Variants in RAB3C observed in about 807,000 individuals in gnomAD.
RAB3C encodes the protein RAB3C, member RAS oncogene family.
RAB3C carries 17 observed loss-of-function variants against 26.4 expected under a neutral mutation model. The observed-to-expected ratio is 0.64, with a 90% CI of 0.44 to 0.97. The LOEUF (loss-of-function observed/expected upper bound fraction) is 0.97, where lower values mean the gene tolerates loss of function less well. RAB3C is among the 50% of genes least tolerant of loss of function. The probability of loss-of-function intolerance (pLI) is 0.00; values close to 1 mark genes in which losing one functional copy is unlikely to be tolerated. For synonymous variants in RAB3C, 91 were observed against 95.9 expected (o/e 0.95, Z 0.30); for missense variants, 242 against 281.9 (o/e 0.86, Z 1.01).
chr5:58,840,160 A>G (rs1391250495), intron 4 of RAB3C, among the ~76,000 whole-genome samples: 1 of 151,298 alleles, frequency 6.6e-6, no homozygotes, highest in African/African-American at 2.4e-5. Flanking sequence ...GGCTTTATTT[A>G]TTTATCTTTT....
chr5:58,798,078 T>C (rs537102360), intron 3 of RAB3C, among the ~76,000 whole-genome samples: 1 of 124,354 alleles, frequency 8.0e-6, no homozygotes, highest in East Asian at 2.1e-4. Context: ...GAGTAATCAT[T>C]CAGAACATAC....
intron 3 of RAB3C, among the ~76,000 whole-genome samples, chr5:58,747,651 G>T (rs1040237117): frequency 2.6e-5 from 4 of 151,722 alleles, no homozygotes; most frequent in Non-Finnish European, 5.9e-5. Context: ...TGCACAATAT[G>T]GATTCATTGC....
At chr5:58,755,359 T>C (rs1741632218) in intron 3 of RAB3C, among the ~76,000 whole-genome samples, 1 of 152,258 alleles carries the variant, frequency 6.6e-6, no homozygotes. Context: ...TTATTTGACA[T>C]AGATTGCTGT....
intron 2 of RAB3C, among the ~76,000 whole-genome samples, chr5:58,712,394 CAT>C (rs1376534392): frequency 6.6e-6 from 1 of 152,144 alleles, no homozygotes; most frequent in East Asian, 1.9e-4. Context: ...GATTAAATAA[CAT>C]AATTTTTGCT....
chr5:58,851,149 G>A lies in RAB3C; in HGVS notation c.497-15G>A, dbSNP rs1396617760. ...TGCAAAATAACCAAGATGTGTTTCTGTGTGTTTCTTCCAGGGTTTGAGTTT... is the reference window on the plus strand; with the variant it reads ...TGCAAAATAACCAAGATGTGTTTCTATGTGTTTCTTCCAGGGTTTGAGTTT... On this transcript the variant is annotated splice_polypyrimidine_tract_variant and intron_variant, in intron 4 of 4. Coordinates refer to ENST00000282878, the MANE Select transcript of RAB3C (RefSeq NM_138453.4). 3.2e-6 allele frequency: 5 copies of A among 1,583,756 alleles called. No homozygotes were observed. In the African/African-American group the frequency reaches 4.1e-5, roughly 13 times the overall value.
intron 3 of RAB3C, among the ~76,000 whole-genome samples, chr5:58,782,418 G>A (rs971244928): frequency 1.3e-4 from 19 of 151,982 alleles, no homozygotes; most frequent in African/African-American, 4.4e-4. Context: ...ATTTCTCACC[G>A]CATGCTTTAA....
intron 2 of RAB3C, among the ~76,000 whole-genome samples, chr5:58,633,408 G>A (rs1733524306): frequency 6.6e-6 from 1 of 152,108 alleles, no homozygotes; most frequent in Non-Finnish European, 1.5e-5. Flanking sequence ...AGGCACAAAC[G>A]TAAAGACATC....
intron 3 of RAB3C, among the ~76,000 whole-genome samples, chr5:58,733,542 C>T (rs913119712): frequency 5.9e-5 from 9 of 152,102 alleles, no homozygotes; most frequent in African/African-American, 1.2e-4. Context: ...TCTAGTGGCT[C>T]CATGGTTTTG....
chr5:58,623,424 C>T (rs1401877223), intron 2 of RAB3C, among the ~76,000 whole-genome samples: 1 of 152,212 alleles, frequency 6.6e-6, no homozygotes, highest in African/African-American at 2.4e-5. Flanking sequence ...CTTAAGAAAA[C>T]CACCAAAGCC....
chr5:58,845,612 A>ATATATATGTGTG, intron 4 of RAB3C, among the ~76,000 whole-genome samples: 2 of 81,724 alleles, frequency 2.4e-5, no homozygotes, highest in African/African-American at 1.2e-4. Flanking sequence ...ATATATATAT[A>ATATATATGTGTG]TGTGTGTGTG....
chr5:58,648,778 C>T (rs1301436905), intron 2 of RAB3C, among the ~76,000 whole-genome samples: 1 of 152,126 alleles, frequency 6.6e-6, no homozygotes, highest in African/African-American at 2.4e-5. Flanking sequence ...TGCTATAAAA[C>T]CTCCAAATCT....
At chr5:58,733,399 T>C (rs971063745) in intron 3 of RAB3C, among the ~76,000 whole-genome samples, 34 of 152,192 alleles carry the variant, frequency 2.2e-4, no homozygotes, top group East Asian at 1.2e-3. Context: ...ATGTTTACGA[T>C]GTGCTTCAGA....
At chr5:58,822,702 C>A (rs1346199816) in intron 3 of RAB3C, 3 of 440,942 alleles carry the variant, frequency 6.8e-6, no homozygotes, top group East Asian at 4.9e-5. Context: ...TTACTTATGC[C>A]CATATAGAAG....
intron 2 of RAB3C, among the ~76,000 whole-genome samples, chr5:58,631,302 T>C (rs1747179768): frequency 6.6e-6 from 1 of 152,108 alleles, no homozygotes; most frequent in Non-Finnish European, 1.5e-5. Flanking sequence ...ACTGGGCAAC[T>C]GAGTGGAGAA....
At chr5:58,833,193 G>A (rs914389681) in intron 4 of RAB3C, among the ~76,000 whole-genome samples, 7 of 152,102 alleles carry the variant, frequency 4.6e-5, no homozygotes, top group African/African-American at 1.7e-4. Context: ...GTAAGGACAG[G>A]AAGCAGAGAT....
intron 2 of RAB3C, among the ~76,000 whole-genome samples, chr5:58,648,486 A>T (rs1579836845): frequency 6.6e-6 from 1 of 152,222 alleles, no homozygotes; most frequent in East Asian, 1.9e-4. Context: ...AGTTTTCTGT[A>T]ACGTAAAGGG....
intron 2 of RAB3C, among the ~76,000 whole-genome samples, chr5:58,693,136 T>C (rs1748604266): frequency 6.8e-6 from 1 of 147,224 alleles, no homozygotes; most frequent in African/African-American, 2.5e-5. Context: ...TAAAAATATA[T>C]ATAAATTATA....
intron 2 of RAB3C, among the ~76,000 whole-genome samples, chr5:58,643,257 A>G (rs1747448453): frequency 6.6e-6 from 1 of 152,130 alleles, no homozygotes; most frequent in Non-Finnish European, 1.5e-5. Flanking sequence ...TTTTAAGCTG[A>G]AAGAACATTG....
intron 2 of RAB3C, among the ~76,000 whole-genome samples, chr5:58,721,575 T>C (rs545240435): frequency 6.6e-6 from 1 of 151,948 alleles, no homozygotes; most frequent in African/African-American, 2.4e-5. Context: ...CTTTCAGATA[T>C]AACCTTCTTC....
Sources: allele counts gnomAD v4.1 joint callset (sites outside exome capture counted in the v4.1 genomes callset), GRCh38; gene constraint gnomAD v4.1.1; transcripts MANE v1.5; gene names NCBI Gene and HGNC (gene_info 2026-07-23, HGNC 2026-07-21).